The following WIF1 variants were observed in gnomAD, a reference collection of about 807,000 sequenced individuals.
WIF1 encodes Wnt inhibitory factor 1.
A neutral mutation model predicts 53.5 loss-of-function variants in WIF1; 35 were observed. The ratio of observed to expected loss-of-function variants is 0.65; its 90% CI spans 0.50 to 0.87. The LOEUF (loss-of-function observed/expected upper bound fraction) is 0.87, where lower values mean the gene tolerates loss of function less well. Among genes scored for constraint, WIF1 ranks in the 40% least tolerant of loss-of-function variants. The pLI, the probability that WIF1 is intolerant of heterozygous loss-of-function variation, is 0.00. For missense variants in WIF1, 467 were observed against 476.8 expected, an observed-to-expected ratio of 0.98 and a Z score of 0.19; for synonymous variants, 171 against 170.4, an observed-to-expected ratio of 1.00 and a Z score of -0.03.
At chr12:65,091,956 T>C (rs1402495940) in intron 2 of WIF1, among the ~76,000 whole-genome samples, 1 of 151,990 alleles carries the variant, frequency 6.6e-6, no homozygotes, top group Admixed American at 6.6e-5. Flanking sequence ...ACTTCTGATA[T>C]GAGAAAGAGG....
At chr12:65,060,255 G>A (rs1001312570) in intron 7 of WIF1, among the ~76,000 whole-genome samples, 1 of 152,130 alleles carries the variant, frequency 6.6e-6, no homozygotes, top group Non-Finnish European at 1.5e-5. Context: ...GATTTTCATA[G>A]CCATATTATT....
At chr12:65,074,773 G>A (rs931179517) in intron 3 of WIF1, among the ~76,000 whole-genome samples, 2 of 117,712 alleles carry the variant, frequency 1.7e-5, no homozygotes, top group Non-Finnish European at 3.2e-5. Flanking sequence ...GTTGAGACCC[G>A]CACCACTGCA....
At chr12:65,087,264 A>G (rs1883053986) in intron 2 of WIF1, among the ~76,000 whole-genome samples, 3 of 152,304 alleles carry the variant, frequency 2.0e-5, no homozygotes, top group African/African-American at 7.2e-5. Context: ...TGCATTTCAC[A>G]TGGTGGTATA....
intron 7 of WIF1, 146 bp from the exon 8 acceptor site, chr12:65,056,272 T>C (rs1234076126): frequency 1.3e-5 from 8 of 637,582 alleles, no homozygotes; most frequent in African/African-American, 1.8e-5. Flanking sequence ...TCTGGCTTTT[T>C]TTTTTTGAGT....
At chr12:65,094,571 A>T (rs1289171820) in intron 2 of WIF1, among the ~76,000 whole-genome samples, 1 of 152,212 alleles carries the variant, frequency 6.6e-6, no homozygotes. Flanking sequence ...CATGAAAAAA[A>T]CAAAACCAAC....
At chr12:65,094,590 C>T (rs924984636) in intron 2 of WIF1, among the ~76,000 whole-genome samples, 2 of 152,096 alleles carry the variant, frequency 1.3e-5, no homozygotes, top group Non-Finnish European at 2.9e-5. Flanking sequence ...ACAGAATTTT[C>T]TGATCTATCT....
intron 2 of WIF1, among the ~76,000 whole-genome samples, chr12:65,106,688 C>T (rs1197032713): frequency 2.0e-5 from 3 of 152,208 alleles, no homozygotes; most frequent in African/African-American, 2.4e-5. Flanking sequence ...CTCCCTGCCA[C>T]TGGGCATGTT....
At chr12:65,061,385 A>G (rs1882609255) in intron 7 of WIF1, among the ~76,000 whole-genome samples, 1 of 152,218 alleles carries the variant, frequency 6.6e-6, no homozygotes, top group African/African-American at 2.4e-5. Flanking sequence ...TGGAAATGAA[A>G]CACAGACCAA....
chr12:65,076,510 A>C (rs776052967), intron 3 of WIF1, among the ~76,000 whole-genome samples: 13 of 152,204 alleles, frequency 8.5e-5, no homozygotes, highest in Non-Finnish European at 5.9e-5. Context: ...AGTCTTTAAG[A>C]AGCTCATAGT....
intron 2 of WIF1, among the ~76,000 whole-genome samples, chr12:65,114,612 G>A (rs1883481584): frequency 6.6e-6 from 1 of 152,068 alleles, no homozygotes; most frequent in Non-Finnish European, 1.5e-5. Flanking sequence ...AGCTACGCTA[G>A]TGTCACTAAC....
Position 65,100,134 on chromosome 12 carries a change from T to A in WIF1, c.288+20283A>T, listed in dbSNP as rs1433822547. On this transcript the variant is annotated intron_variant, in intron 2 of 9. Coordinates refer to ENST00000286574, the MANE Select transcript of WIF1 (RefSeq NM_007191.5). ...TAGTAGAAAATATGCTTCCTTATTA[T>A]GTTCAAAAGGAATTATTTGGTTTAT... Among the ~76,000 whole-genome samples, 3 of 152,212 alleles carry A rather than the reference T, an allele frequency of 2.0e-5. No individual in the cohort carries two copies. The East Asian group carries it at 5.8e-4, about 29-fold the overall frequency.
At chr12:65,066,843 A>G in intron 5 of WIF1, 107 bp from the exon 6 acceptor site, 1 of 632,934 alleles carries the variant, frequency 1.6e-6, no homozygotes, top group Non-Finnish European at 2.5e-6. Flanking sequence ...TTTGTGGTTG[A>G]CTCTAAAATG....
At chr12:65,056,737 C>T (rs1882535323) in intron 7 of WIF1, among the ~76,000 whole-genome samples, 2 of 151,964 alleles carry the variant, frequency 1.3e-5, no homozygotes, top group South Asian at 4.2e-4. Context: ...GCATCCTCCG[C>T]CTCCCAGGTT....
intron 2 of WIF1, among the ~76,000 whole-genome samples, chr12:65,086,314 C>T (rs1883037105): frequency 1.3e-5 from 2 of 152,110 alleles, no homozygotes; most frequent in Admixed American, 1.3e-4. Context: ...GGACAAGTGC[C>T]TCCTCCTCAC....
At chr12:65,075,362 G>A (rs1882845738) in intron 3 of WIF1, among the ~76,000 whole-genome samples, 1 of 151,916 alleles carries the variant, frequency 6.6e-6, no homozygotes, top group Non-Finnish European at 1.5e-5. Flanking sequence ...GCTCCGAAGG[G>A]GATTTTTACT....
intron 2 of WIF1, among the ~76,000 whole-genome samples, chr12:65,111,676 G>A (rs1330634978): frequency 6.6e-6 from 1 of 152,186 alleles, no homozygotes; most frequent in East Asian, 1.9e-4. Context: ...AAGGGGATAT[G>A]TTTATATAGC....
chr12:65,118,050 T>C (rs1397890679), intron 2 of WIF1, among the ~76,000 whole-genome samples: 1 of 152,220 alleles, frequency 6.6e-6, no homozygotes, highest in Non-Finnish European at 1.5e-5. Flanking sequence ...ACCTTACTGC[T>C]TCTATAAGGT....
intron 9 of WIF1, among the ~76,000 whole-genome samples, chr12:65,052,723 C>T (rs1361944157): frequency 6.6e-6 from 1 of 152,132 alleles, no homozygotes; most frequent in Non-Finnish European, 1.5e-5. Flanking sequence ...GCATGCAATG[C>T]TTGGATTTGA....
intron 9 of WIF1, among the ~76,000 whole-genome samples, chr12:65,054,563 A>G (rs1236647550): frequency 6.6e-6 from 1 of 152,234 alleles, no homozygotes; most frequent in African/African-American, 2.4e-5. Flanking sequence ...CAACTCCATT[A>G]TAACATCTCT....
Sources: gnomAD v4.1 joint callset for allele counts (sites outside exome capture counted in the v4.1 genomes callset) on GRCh38, gnomAD v4.1.1 for gene constraint, MANE v1.5 for transcripts, NCBI Gene and HGNC (gene_info 2026-07-23, HGNC 2026-07-21) for gene names.